Variants in GLS2 observed in about 807,000 individuals in gnomAD.
GLS2 encodes the protein glutaminase 2, also known as glutaminase liver isoform, mitochondrial.
Under a neutral mutation model 79.0 loss-of-function variants are expected in GLS2, and 52 were observed. The observed-to-expected ratio is 0.66, with a 90% CI of 0.53 to 0.83. The LOEUF (loss-of-function observed/expected upper bound fraction) is 0.83, where lower values mean the gene tolerates loss of function less well. GLS2 is among the 40% of genes least tolerant of loss of function. GLS2 has a pLI of 0.00. For synonymous variants in GLS2, 238 were observed against 280.8 expected (o/e 0.85, Z 1.52); for missense variants, 561 against 764.8 (o/e 0.73, Z 3.14).
rs1036694507 is a variant in GLS2 at position 56,474,855 on chromosome 12, G to A, written c.1038C>T (p.Leu346=). 2 of 1,614,074 alleles carry A rather than the reference G, an allele frequency of 1.2e-6. No homozygotes were observed. The highest frequency in any genetic ancestry group is 2.7e-5 in the African/African-American group (2 of 74,932). ...KGVDMMAALD[L]YFQLCSVEVT... ...AGCAGTGTTTTCTTACCTGGAAGTA[G>A]AGATCAAGGGCAGCCATCATGTCCA... Residue 346 remains leucine, a synonymous_variant, in exon 11 of 18, where the codon CTC becomes CTT. Transcript: ENST00000311966.
At chr12:56,472,606 C>T in intron 15 of GLS2, 84 bp downstream of exon 15, 1 of 1,263,242 alleles carries the variant, frequency 7.9e-7, no homozygotes. Context: ...AGCTGAAGCA[C>T]TTAACTATTT....
chr12:56,472,311 C>G, intron 15 of GLS2, 116 bp from the exon 16 acceptor site: 1 of 882,722 alleles, frequency 1.1e-6, no homozygotes, highest in South Asian at 1.5e-5. Flanking sequence ...AGCCTATAGC[C>G]AGATTTGTTG....
Position 56,474,874 on chromosome 12 carries a change from A to G in GLS2, c.1019T>C (p.Met340Thr). The part of the protein sequence containing the change: ...EKKCFPKGVD[M>T]MAALDLYFQL... ...GAAGTAGAGATCAAGGGCAGCCATC[A>G]TGTCCACCCCCTTAGGAAAGCACTG... is the stretch of plus-strand genomic sequence containing the variant. The change falls in exon 11 of 18, where the codon ATG becomes ACG. Residue 340 changes from methionine to threonine, a missense_variant. Transcript: ENST00000311966. 7.4e-6 allele frequency: 12 copies of G among 1,614,190 alleles called. No homozygotes were observed. Among genetic ancestry groups the G allele is most frequent in the Non-Finnish European group, 9.3e-6 (11 of 1,180,034 alleles).
chr12:56,483,242 A>G (rs1472544028), intron 1 of GLS2, among the ~76,000 whole-genome samples: 3 of 151,440 alleles, frequency 2.0e-5, no homozygotes, highest in African/African-American at 7.3e-5. Flanking sequence ...CACCACGCCC[A>G]GCTAATTTTT....
intron 16 of GLS2, 61 bp from the exon 17 acceptor site, chr12:56,471,897 A>G (rs979443544): frequency 6.5e-7 from 1 of 1,540,152 alleles, no homozygotes; most frequent in Non-Finnish European, 9.0e-7. Context: ...TGGTGCAGAC[A>G]CTTAGCCACT....
intron 1 of GLS2, among the ~76,000 whole-genome samples, chr12:56,484,859 A>G (rs1197727476): frequency 6.6e-6 from 1 of 152,228 alleles, no homozygotes; most frequent in Non-Finnish European, 1.5e-5. Context: ...AAAAAAAGGT[A>G]AAGTAGTATC....
At position 56,472,712 on chromosome 12, in the gene GLS2, C is replaced by CA. The variant is rs1204786542; in HGVS notation, c.1488dup (p.Gly497TrpfsTer22). ...TACCTTCGAAGAGCTGAGACATCGC[C>CA]ACTATAGGCAGCAAATAACAGGTTG... On this transcript the variant is annotated frameshift_variant, in exon 15 of 18. Transcript: ENST00000311966. LOFTEE classifies it high-confidence loss of function. 6.2e-7 allele frequency: 1 copy of CA among 1,613,830 alleles called. No individual in the cohort carries two copies. Among genetic ancestry groups the CA allele is most frequent in the Admixed American group, 1.7e-5 (1 of 59,982 alleles).
intron 1 of GLS2, 82 bp from the exon 2 acceptor site, chr12:56,480,469 G>T: frequency 3.0e-6 from 3 of 993,794 alleles, no homozygotes; most frequent in Non-Finnish European, 4.8e-6. Flanking sequence ...GGGCTTATAA[G>T]TAGGTGAGTG....
In GLS2 at chr12:56,473,490, G is replaced by A. The variant is rs1189600175; in HGVS notation, c.1329C>T (p.Asn443=). 1.9e-6 allele frequency: 3 copies of A among 1,613,812 alleles called. No individual in the cohort carries two copies. The highest frequency in any genetic ancestry group is 1.7e-4 in the Middle Eastern group (1 of 5,950). ...CLSPPLDKLG[N]SHRGTSFCQK... ...GGCAGAAGCTGGTCCCCCTATGGCT[G>A]TTCCCCAGCTTGTCCAATGGGGGTG... is the stretch of plus-strand genomic sequence containing the variant. Residue 443 remains asparagine (N), a synonymous_variant, in exon 13 of 18, where the codon AAC becomes AAT. Coordinates refer to ENST00000311966, the MANE Select transcript of GLS2 (RefSeq NM_013267.4).
chr12:56,482,056 C>T (rs891193223), intron 1 of GLS2, among the ~76,000 whole-genome samples: 3 of 152,090 alleles, frequency 2.0e-5, no homozygotes, highest in Non-Finnish European at 4.4e-5. Context: ...CATGGTAAAA[C>T]CCCGTCTCTA....
chr12:56,477,611 A>G, intron 7 of GLS2, 49 bp downstream of exon 7: 1 of 1,557,160 alleles, frequency 6.4e-7, no homozygotes, highest in Non-Finnish European at 8.8e-7. Context: ...ATACAGGAAC[A>G]CAGGAGCTTA....
At position 56,475,660 on chromosome 12, in the gene GLS2, A is replaced by G; in HGVS notation, c.893T>C (p.Met298Thr). ...GAAACCCATGTATTCATTCCCAGCC[A>G]TTTTGTTGAGATACTGCAACACCTG... is the stretch of plus-strand genomic sequence containing the variant. Reference protein sequence around the residue: ...FDFVLQYLNKMAGNEYMGFSN... With the variant: ...FDFVLQYLNKTAGNEYMGFSN... Residue 298 changes from methionine to threonine, a missense_variant, in exon 9 of 18, where the codon ATG (methionine) becomes ACG (threonine). Around this residue, in one of 4 missense-constraint regions of GLS2, gnomAD observed 221 missense variants for 275.6 expected, o/e 0.80. Transcript: ENST00000311966. The G allele has an allele frequency of 6.2e-7, 1 of 1,614,144 alleles. No individual in the cohort carries two copies. The highest frequency in any genetic ancestry group is 1.1e-5 in the South Asian group (1 of 91,084).
At position 56,471,461 on chromosome 12, in the gene GLS2, G is replaced by C; in HGVS notation, c.*26C>G. On this transcript the variant is annotated 3_prime_UTR_variant, in exon 18 of 18. Transcript: ENST00000311966. The stretch of plus-strand genomic sequence containing the variant: ...GTGTGGCCAGCTCATGCTTTTTCTT[G>C]AGCAGGGGCTGTCCATGACCTGTGC... The C allele has an allele frequency of 6.3e-7, 1 of 1,588,308 alleles. No homozygotes were observed. Among genetic ancestry groups the C allele is most frequent in the Non-Finnish European group, 8.6e-7 (1 of 1,168,094 alleles).
chr12:56,478,313 A>G (rs1443081214), intron 4 of GLS2, 51 bp from the exon 5 acceptor site: 19 of 1,574,664 alleles, frequency 1.2e-5, no homozygotes, highest in Non-Finnish European at 1.4e-5. Flanking sequence ...GAAGAGGAAC[A>G]GAGTTGAGGT....
At chr12:56,486,866 G>A (rs1331385497) in intron 1 of GLS2, among the ~76,000 whole-genome samples, 1 of 152,132 alleles carries the variant, frequency 6.6e-6, no homozygotes, top group Non-Finnish European at 1.5e-5. Context: ...TCTCAAAAAA[G>A]AAAGAAATAA....
At chr12:56,487,582 A>C in intron 1 of GLS2, 1 of 336,440 alleles carries the variant, frequency 3.0e-6, no homozygotes. Flanking sequence ...CGCATCTCCT[A>C]AAATACACAC....
Position 56,477,508 on chromosome 12 carries a change from G to A in GLS2, c.837+152C>T, listed in dbSNP as rs1014732695. The A allele has an allele frequency of 1.4e-5, 10 of 696,896 alleles. No homozygotes were observed. The African/African-American group carries it at 1.6e-4, about 11-fold the overall frequency. The allele number at this position is 696,896 out of a possible 1,614,324, so 43.2% of individuals were successfully genotyped here. On this transcript the variant is annotated intron_variant, in intron 7 of 17. Transcript: ENST00000311966. ...TATACTGACATTGTCAGCATAACAT[G>A]TGGGTCCCTGCTGTGCCTCATGTGC...
chr12:56,474,682 G>A lies in GLS2; in HGVS notation c.1086C>T (p.Val362=). 3 of 1,612,700 alleles carry A rather than the reference G, an allele frequency of 1.9e-6. No homozygotes were observed. The highest frequency in any genetic ancestry group is 1.7e-6 in the Non-Finnish European group (2 of 1,179,042). ...CACCGTTGGCGAGGGTGGCTGCCAT[G>A]ACACTGCCTGATTCACAAGTGACCT... The part of the protein sequence containing the change: ...SVEVTCESGS[V]MAATLANGGI... Residue 362 remains valine (V), a synonymous_variant, in exon 12 of 18, where the codon GTC becomes GTT. Transcript: ENST00000311966.
rs752041553 is a variant in GLS2 at position 56,478,072 on chromosome 12, G to T, written c.639C>A (p.Ile213=). The change falls in exon 6 of 18, where the codon ATC becomes ATA. Residue 213 remains isoleucine (I), a synonymous_variant. Coordinates refer to ENST00000311966, the MANE Select transcript of GLS2 (RefSeq NM_013267.4). ...TCACACAGGACTGCAGGCAGAAGGG[G>T]ATCTTTGTGTGGCCCACAGAGTGCC... ...GQRHSVGHTK[I]PFCLQSCVKP... The T allele has an allele frequency of 1.2e-6, 2 of 1,614,048 alleles. No individual in the cohort carries two copies. The highest frequency in any genetic ancestry group is 1.3e-5 in the African/African-American group (1 of 74,942).
Sources: allele counts gnomAD v4.1 joint callset (sites outside exome capture counted in the v4.1 genomes callset), GRCh38; gene constraint gnomAD v4.1.1; regional missense constraint gnomAD v4.1.1; transcripts MANE v1.5; gene names NCBI Gene and HGNC (gene_info 2026-07-23, HGNC 2026-07-21).